BTRC: variants seen among roughly 807,000 people sequenced by gnomAD.
BTRC encodes the protein beta-transducin repeat containing E3 ubiquitin protein ligase, also known as F-box/WD repeat-containing protein 1A.
BTRC carries 42 observed loss-of-function variants against 85.5 expected under a neutral mutation model. The ratio of observed to expected loss-of-function variants is 0.49; its 90% CI spans 0.38 to 0.64. The LOEUF is 0.64. Ranked by LOEUF, BTRC falls within the 30% of genes least tolerant of loss-of-function variation. The pLI, the probability that BTRC is intolerant of heterozygous loss-of-function variation, is 0.00. For synonymous variants in BTRC, 255 were observed against 263.3 expected (o/e 0.97, Z 0.30); for missense variants, 594 against 743.5 (o/e 0.80, Z 2.34).
intron 1 of BTRC, chr10:101,364,873 C>A (rs1490471796): frequency 6.8e-6 from 1 of 146,286 alleles, no homozygotes; most frequent in Non-Finnish European, 1.5e-5. Flanking sequence ...GGAGGTACTG[C>A]AATACCAGGT....
chr10:101,488,375 T>C lies in BTRC; in HGVS notation c.324+8918T>C, dbSNP rs1436024108. Among the ~76,000 whole-genome samples, 3 of 152,220 alleles carry C rather than the reference T, an allele frequency of 2.0e-5. No individual in the cohort carries two copies. The South Asian group carries it at 6.2e-4, about 32-fold the overall frequency. ...TGTTGGGCTGTGTTATTTCAATTTATGTAATTGAGAACTGAATATCAATCA... is the reference window on the plus strand; with the variant it reads ...TGTTGGGCTGTGTTATTTCAATTTACGTAATTGAGAACTGAATATCAATCA... On this transcript the variant is annotated intron_variant, in intron 4 of 14. Coordinates refer to ENST00000370187, the MANE Select transcript of BTRC (RefSeq NM_033637.4).
chr10:101,358,254 C>T (rs1384740427), intron 1 of BTRC, among the ~76,000 whole-genome samples: 1 of 144,424 alleles, frequency 6.9e-6, no homozygotes, highest in Admixed American at 6.8e-5. Context: ...CACCACTATG[C>T]TGGCTATTTT....
intron 4 of BTRC, among the ~76,000 whole-genome samples, chr10:101,509,500 C>T (rs1480977072): frequency 2.0e-5 from 3 of 149,268 alleles, no homozygotes; most frequent in Non-Finnish European, 3.0e-5. Flanking sequence ...GTGATCCGCC[C>T]GCCTCGGCCT....
At chr10:101,374,555 T>C (rs1379995413) in intron 1 of BTRC, among the ~76,000 whole-genome samples, 20 of 142,988 alleles carry the variant, frequency 1.4e-4, no homozygotes, top group African/African-American at 5.2e-4. Context: ...CACCGCATAT[T>C]CTCACTCATA....
intron 1 of BTRC, among the ~76,000 whole-genome samples, chr10:101,358,954 CTATGCTAGTTGGA>C (rs1168079376): frequency 6.6e-6 from 1 of 152,130 alleles, no homozygotes; most frequent in East Asian, 1.9e-4. Flanking sequence ...ACCGTAGGTG[CTATGCTAGTTGGA>C]TGTTAAGGCT....
At chr10:101,442,856 G>T (rs976189997) in intron 2 of BTRC, among the ~76,000 whole-genome samples, 1 of 147,614 alleles carries the variant, frequency 6.8e-6, no homozygotes, top group East Asian at 2.0e-4. Context: ...AATTATAGCA[G>T]TATCAAAGTA....
At chr10:101,442,294 G>C (rs142837075) in intron 2 of BTRC, among the ~76,000 whole-genome samples, 45,371 of 133,802 alleles carry the variant, frequency 0.34, 8,970 homozygotes, top group Middle Eastern at 0.45. Flanking sequence ...GTCTCTGTGT[G>C]TATGTGTGTG....
At chr10:101,406,381 G>A (rs980847312) in intron 1 of BTRC, among the ~76,000 whole-genome samples, 1 of 151,270 alleles carries the variant, frequency 6.6e-6, no homozygotes, top group Non-Finnish European at 1.5e-5. Flanking sequence ...TTTCACCGTG[G>A]TCTTGATCTC....
chr10:101,488,691 T>C lies in BTRC; in HGVS notation c.324+9234T>C, dbSNP rs144679625. Among the ~76,000 whole-genome samples the C allele has an allele frequency of 4.9e-3, 745 of 152,298 alleles. 8 individuals carry two copies. Among genetic ancestry groups the C allele is most frequent in the African/African-American group, 0.017 (700 of 41,564 alleles). On this transcript the variant is annotated intron_variant, in intron 4 of 14. Transcript: ENST00000370187. ...TGGCTTACTGTAAAAGCAAGTAATA[T>C]GTTATAGGCTATGTAAATGAATTCA... is the stretch of plus-strand genomic sequence containing the variant.
intron 1 of BTRC, among the ~76,000 whole-genome samples, chr10:101,424,319 G>A (rs763782064): frequency 8.5e-5 from 13 of 152,172 alleles, no homozygotes; most frequent in Non-Finnish European, 1.9e-4. Flanking sequence ...TATCTGACAG[G>A]TGGGAGTTTT....
intron 3 of BTRC, among the ~76,000 whole-genome samples, chr10:101,469,079 C>T (rs10786637): frequency 0.32 from 48,479 of 152,082 alleles, 9,948 homozygotes; most frequent in East Asian, 0.66. Flanking sequence ...GATATAAAAA[C>T]GTATTAAAGT....
intron 6 of BTRC, among the ~76,000 whole-genome samples, chr10:101,530,916 G>C (rs1002450244): frequency 6.6e-6 from 1 of 152,224 alleles, no homozygotes; most frequent in African/African-American, 2.4e-5. Context: ...GCTCACGCCT[G>C]TAATCCCAGC....
chr10:101,530,174 TAA>T (rs2062258866), intron 6 of BTRC, among the ~76,000 whole-genome samples: 1 of 152,220 alleles, frequency 6.6e-6, no homozygotes, highest in Non-Finnish European at 1.5e-5. Context: ...GGAAGGCAGT[TAA>T]GTACATGTGT....
At chr10:101,395,226 G>A (rs1943334855) in intron 1 of BTRC, among the ~76,000 whole-genome samples, 1 of 152,170 alleles carries the variant, frequency 6.6e-6, no homozygotes, top group South Asian at 2.1e-4. Context: ...GGGTTGGAGA[G>A]AGATGGGGTT....
At chr10:101,401,212 A>G (rs1174025132) in intron 1 of BTRC, among the ~76,000 whole-genome samples, 2 of 152,270 alleles carry the variant, frequency 1.3e-5, no homozygotes, top group African/African-American at 4.8e-5. Flanking sequence ...AAGTACAGGT[A>G]TAGGTGATTG....
intron 2 of BTRC, among the ~76,000 whole-genome samples, chr10:101,444,401 TAAAG>T (rs1944769606): frequency 6.6e-6 from 1 of 152,196 alleles, no homozygotes; most frequent in Admixed American, 6.5e-5. Context: ...ATACAAGGTA[TAAAG>T]TGCTTCTTTA....
chr10:101,547,830 G>A (rs1311214243), intron 13 of BTRC, among the ~76,000 whole-genome samples: 1 of 152,078 alleles, frequency 6.6e-6, no homozygotes, highest in African/African-American at 2.4e-5. Context: ...TTTATGCCAG[G>A]TATGCAAGGC....
intron 2 of BTRC, among the ~76,000 whole-genome samples, chr10:101,461,027 C>T (rs1484123972): frequency 6.6e-6 from 1 of 151,956 alleles, no homozygotes; most frequent in African/African-American, 2.4e-5. Flanking sequence ...CTCAGACTCT[C>T]GAGTAGCTGG....
intron 1 of BTRC, among the ~76,000 whole-genome samples, chr10:101,370,420 C>G (rs1294192595): frequency 1.3e-5 from 2 of 152,026 alleles, no homozygotes; most frequent in Non-Finnish European, 2.9e-5. Context: ...GCCCCTTCTT[C>G]CTTATCCTGA....
Sources: gnomAD v4.1 joint callset for allele counts (sites outside exome capture counted in the v4.1 genomes callset) on GRCh38, gnomAD v4.1.1 for gene constraint, MANE v1.5 for transcripts, NCBI Gene and HGNC (gene_info 2026-07-23, HGNC 2026-07-21) for gene names.